RBFOX1: variants seen among roughly 807,000 people sequenced by gnomAD.
RBFOX1 encodes the protein RNA binding protein fox-1 homolog 1.
Under a neutral mutation model 57.7 loss-of-function variants are expected in RBFOX1, and 8 were observed. That is an observed-to-expected ratio of 0.14 (90% confidence interval 0.08 to 0.25). The LOEUF (loss-of-function observed/expected upper bound fraction) is 0.25, where lower values mean the gene tolerates loss of function less well. Among genes scored for constraint, RBFOX1 ranks in the 10% least tolerant of loss-of-function variants. The pLI is 1.00. For synonymous variants in RBFOX1, 326 were observed against 222.4 expected (o/e 1.47, Z -4.15); for missense variants, 611 against 548.5 (o/e 1.11, Z -1.14).
chr16:5,431,093 G>A (rs573378365), intron 1 of RBFOX1, among the ~76,000 whole-genome samples: 1 of 152,308 alleles, frequency 6.6e-6, no homozygotes, highest in Non-Finnish European at 1.5e-5. Context: ...CCACCATAGA[G>A]TGCTGTGAGT....
intron 3 of RBFOX1, among the ~76,000 whole-genome samples, chr16:5,649,123 A>T (rs1020404531): frequency 2.0e-5 from 3 of 152,030 alleles, no homozygotes; most frequent in Non-Finnish European, 4.4e-5. Flanking sequence ...ATATATACAC[A>T]CATATATACA....
intron 2 of RBFOX1, among the ~76,000 whole-genome samples, chr16:6,353,326 A>G (rs896468784): frequency 2.0e-5 from 3 of 151,784 alleles, no homozygotes; most frequent in Admixed American, 1.3e-4. Context: ...AGAGATTTCC[A>G]TTAATTTATT....
chr16:6,808,347 A>G (rs2087482535), intron 3 of RBFOX1, among the ~76,000 whole-genome samples: 2 of 151,962 alleles, frequency 1.3e-5, no homozygotes, highest in South Asian at 4.1e-4. Context: ...TGCCTACTTC[A>G]CTGAAGCACC....
At chr16:7,473,875 C>T (rs541566329) in intron 4 of RBFOX1, among the ~76,000 whole-genome samples, 5 of 152,288 alleles carry the variant, frequency 3.3e-5, no homozygotes, top group East Asian at 1.9e-4. Context: ...TGCCAAATTA[C>T]CTAAGTGCCA....
intron 4 of RBFOX1, among the ~76,000 whole-genome samples, chr16:7,486,117 C>CTTTTTT (rs61448458): frequency 4.3e-4 from 33 of 77,312 alleles, no homozygotes; most frequent in Non-Finnish European, 4.9e-4. Flanking sequence ...GTGTTTGTGT[C>CTTTTTT]TTTTTTTTTT....
At chr16:5,962,351 A>T (rs939512215) in intron 4 of RBFOX1, among the ~76,000 whole-genome samples, 3 of 152,132 alleles carry the variant, frequency 2.0e-5, no homozygotes, top group African/African-American at 7.2e-5. Context: ...TTTTCTTTGA[A>T]CTATGCTTTG....
Position 7,525,712 on chromosome 16 carries a change from C to G in RBFOX1, c.270+7323C>G, listed in dbSNP as rs142870510. Among the ~76,000 whole-genome samples, 3 of 152,250 alleles carry G rather than the reference C, an allele frequency of 2.0e-5. No individual in the cohort carries two copies. The East Asian group carries it at 5.8e-4, about 29-fold the overall frequency. ...GGAGAAGAAAAATTGAGGTGTGCTG[C>G]CATTGCTTGAGGCCTCCTGTGGTCC... is the stretch of plus-strand genomic sequence containing the variant. On this transcript the variant is annotated intron_variant, in intron 5 of 15. Transcript: ENST00000550418.
intron 4 of RBFOX1, among the ~76,000 whole-genome samples, chr16:5,976,833 C>CA (rs1486850216): frequency 3.3e-5 from 5 of 152,208 alleles, no homozygotes; most frequent in African/African-American, 1.2e-4. Flanking sequence ...CATGCCACTG[C>CA]ACTTCAGCCT....
intron 3 of RBFOX1, among the ~76,000 whole-genome samples, chr16:5,794,701 A>G (rs1332311985): frequency 6.6e-5 from 10 of 152,204 alleles, no homozygotes; most frequent in Non-Finnish European, 1.5e-5. Context: ...CACCTTAATG[A>G]TGGCTTAAGA....
chr16:6,179,782 C>A (rs2097047978), intron 1 of RBFOX1, among the ~76,000 whole-genome samples: 1 of 152,162 alleles, frequency 6.6e-6, no homozygotes. Context: ...AACACATTAT[C>A]TTTCATAGTT....
chr16:6,658,045 T>C (rs115499135), intron 3 of RBFOX1, among the ~76,000 whole-genome samples: 2,372 of 152,252 alleles, frequency 0.016, 69 homozygotes, highest in African/African-American at 0.054. Context: ...ATCTTCTTGA[T>C]AGAAGAATTT....
At chr16:7,691,147 C>CA (rs942881835) in intron 14 of RBFOX1, among the ~76,000 whole-genome samples, 2 of 151,794 alleles carry the variant, frequency 1.3e-5, no homozygotes, top group East Asian at 1.9e-4. Flanking sequence ...ATGGATACGT[C>CA]AAAAAAATAC....
At chr16:5,826,399 TTGAAAGTCTTTTA>T (rs2151816059) in intron 3 of RBFOX1, among the ~76,000 whole-genome samples, 1 of 152,270 alleles carries the variant, frequency 6.6e-6, no homozygotes, top group East Asian at 1.9e-4. Context: ...TTCAGATGTT[TTGAAAGTCTTTTA>T]TGCCAGGAGG....
At chr16:7,671,570 G>A (rs1360773329) in intron 13 of RBFOX1, 2 of 1,611,340 alleles carry the variant, frequency 1.2e-6, no homozygotes, top group Non-Finnish European at 1.7e-6. Flanking sequence ...AGTGTATCAA[G>A]AGCCTGTGTA....
At chr16:5,757,105 T>G (rs1459314265) in intron 3 of RBFOX1, among the ~76,000 whole-genome samples, 3 of 152,202 alleles carry the variant, frequency 2.0e-5, no homozygotes, top group Non-Finnish European at 4.4e-5. Context: ...AAGAACCAAG[T>G]TGACTGAGAC....
rs1339814774 is a variant in RBFOX1 at position 6,964,511 on chromosome 16, AG to A, written c.-15-87541del. 1.1e-4 allele frequency among the ~76,000 whole-genome samples: 16 copies of A among 152,118 alleles called. 1 individual carries two copies. Among genetic ancestry groups the A allele is most frequent in the Non-Finnish European group, 2.9e-5 (2 of 68,010 alleles). ...AACTGTAACAAATTGCACCTCTGGT[AG>A]GGGGTTTTGTTAAGGGTGAAGCTAT... On this transcript the variant is annotated intron_variant, in intron 3 of 15. Coordinates refer to ENST00000550418, the MANE Select transcript of RBFOX1 (RefSeq NM_018723.4).
intron 2 of RBFOX1, among the ~76,000 whole-genome samples, chr16:6,348,972 A>G (rs911965229): frequency 1.3e-5 from 2 of 152,192 alleles, no homozygotes; most frequent in East Asian, 1.9e-4. Flanking sequence ...TTGGAAGTCA[A>G]GCGCTTCAAA....
At chr16:6,800,037 C>T (rs560626501) in intron 3 of RBFOX1, among the ~76,000 whole-genome samples, 1 of 152,270 alleles carries the variant, frequency 6.6e-6, no homozygotes, top group South Asian at 2.1e-4. Flanking sequence ...AACCCTAATA[C>T]ACCATCTAAG....
chr16:6,194,476 C>T (rs545930405), intron 1 of RBFOX1, among the ~76,000 whole-genome samples: 2 of 152,294 alleles, frequency 1.3e-5, no homozygotes, highest in East Asian at 3.9e-4. Context: ...TTGTTTCTCT[C>T]TTTCAAGAAC....
Sources: gnomAD v4.1 joint callset for allele counts (sites outside exome capture counted in the v4.1 genomes callset) on GRCh38, gnomAD v4.1.1 for gene constraint, MANE v1.5 for transcripts, NCBI Gene and HGNC (gene_info 2026-07-23, HGNC 2026-07-21) for gene names.